The following PARN variants were observed in gnomAD, a reference collection of about 807,000 sequenced individuals.
PARN encodes the protein poly(A)-specific ribonuclease PARN.
A neutral mutation model predicts 102.8 loss-of-function variants in PARN; 71 were observed. That is an observed-to-expected ratio of 0.69 (90% CI 0.57 to 0.84). The LOEUF is 0.84. PARN is among the 40% of genes least tolerant of loss of function. The pLI, the probability that PARN is intolerant of heterozygous loss-of-function variation, is 0.00. For synonymous variants in PARN, 261 were observed against 252.9 expected (o/e 1.03, Z -0.30); for missense variants, 782 against 760.9 (o/e 1.03, Z -0.33).
intron 18 of PARN, among the ~76,000 whole-genome samples, chr16:14,562,945 C>G (rs746819162): frequency 2.0e-5 from 3 of 152,180 alleles, no homozygotes; most frequent in Non-Finnish European, 4.4e-5. Context: ...CTTATCTAAG[C>G]CATTCCCTAG....
At chr16:14,562,798 T>C (rs1014425054) in intron 18 of PARN, among the ~76,000 whole-genome samples, 2 of 151,978 alleles carry the variant, frequency 1.3e-5, no homozygotes, top group African/African-American at 2.4e-5. Context: ...ACACACACAA[T>C]ACAAAAGAAT....
chr16:14,580,227 C>T (rs1006579724), intron 18 of PARN, among the ~76,000 whole-genome samples: 4 of 152,040 alleles, frequency 2.6e-5, no homozygotes, highest in Non-Finnish European at 5.9e-5. Context: ...GCCTCAGTCT[C>T]CCAAAGTTGG....
intron 12 of PARN, among the ~76,000 whole-genome samples, chr16:14,596,788 C>CTT (rs200386556): frequency 1.5e-5 from 2 of 135,722 alleles, no homozygotes; most frequent in Non-Finnish European, 3.2e-5. Context: ...TTTTTCTTTC[C>CTT]TTTTTTTTTT....
chr16:14,576,474 G>A (rs77985941), intron 18 of PARN, among the ~76,000 whole-genome samples: 4 of 152,300 alleles, frequency 2.6e-5, no homozygotes, highest in South Asian at 4.1e-4. Context: ...TGACAATACC[G>A]AAGACAGTTA....
intron 12 of PARN, among the ~76,000 whole-genome samples, chr16:14,598,105 C>A (rs2151776171): frequency 6.6e-6 from 1 of 152,190 alleles, no homozygotes; most frequent in Admixed American, 6.5e-5. Context: ...GATTGCGCCA[C>A]TGCACTCCAG....
chr16:14,562,446 A>C (rs1351768548), intron 18 of PARN, among the ~76,000 whole-genome samples: 1 of 151,206 alleles, frequency 6.6e-6, no homozygotes, highest in Non-Finnish European at 1.5e-5. Context: ...AAAAAAAAAA[A>C]AAAAAACTAT....
chr16:14,625,625 A>T (rs1972599046), intron 5 of PARN, among the ~76,000 whole-genome samples: 1 of 152,260 alleles, frequency 6.6e-6, no homozygotes, highest in Non-Finnish European at 1.5e-5. Flanking sequence ...CTAATTTAGG[A>T]AACTGTCTAT....
At chr16:14,514,744 C>A (rs1206463840) in intron 21 of PARN, among the ~76,000 whole-genome samples, 1 of 152,122 alleles carries the variant, frequency 6.6e-6, no homozygotes, top group Non-Finnish European at 1.5e-5. Flanking sequence ...ATCTGTAATT[C>A]GGCCAGAAGG....
At chr16:14,483,914 G>A (rs1221479688) in intron 21 of PARN, among the ~76,000 whole-genome samples, 3 of 152,244 alleles carry the variant, frequency 2.0e-5, no homozygotes, top group Non-Finnish European at 4.4e-5. Flanking sequence ...CTTCAGTGAC[G>A]ATTTCTGAGT....
intron 22 of PARN, among the ~76,000 whole-genome samples, chr16:14,465,580 G>C (rs1962292144): frequency 6.6e-6 from 1 of 152,092 alleles, no homozygotes; most frequent in South Asian, 2.1e-4. Flanking sequence ...GACTATGATA[G>C]GTTAAAAGAA....
chr16:14,501,416 G>A, intron 21 of PARN: 1 of 39,008 alleles, frequency 2.6e-5, no homozygotes, highest in South Asian at 1.2e-3. Flanking sequence ...ACTCCAGCCT[G>A]GGACAAAGCA....
intron 5 of PARN, among the ~76,000 whole-genome samples, chr16:14,626,857 T>C (rs759150982): frequency 1.6e-4 from 25 of 152,004 alleles, no homozygotes; most frequent in South Asian, 4.1e-4. Flanking sequence ...GACCTCATGA[T>C]CCGCCCTCCC....
intron 21 of PARN, among the ~76,000 whole-genome samples, chr16:14,518,291 C>CAAAAAAAA (rs34169116): frequency 1.1e-4 from 6 of 52,266 alleles, no homozygotes; most frequent in East Asian, 6.3e-4. Flanking sequence ...GACCCTGTCT[C>CAAAAAAAA]AAAAAAAAAA....
intron 21 of PARN, among the ~76,000 whole-genome samples, chr16:14,507,772 A>C (rs1035078165): frequency 6.6e-6 from 1 of 152,214 alleles, no homozygotes. Context: ...AAGAGGTTTG[A>C]GAGTAATAAA....
chr16:14,555,627 G>A (rs759995491), intron 19 of PARN, 27 bp downstream of exon 19: 4 of 1,095,496 alleles, frequency 3.7e-6, no homozygotes, highest in African/African-American at 1.6e-5. Context: ...ATGCACAGAT[G>A]CAATAAGAAA....
At chr16:14,473,576 T>G (rs1051361414) in intron 22 of PARN, among the ~76,000 whole-genome samples, 1 of 152,104 alleles carries the variant, frequency 6.6e-6, no homozygotes, top group Admixed American at 6.6e-5. Flanking sequence ...AACAGGAAAT[T>G]TCCCCAGAAA....
chr16:14,516,793 C>T lies in PARN; in HGVS notation c.1481-33966G>A, dbSNP rs1965482371. Among the ~76,000 whole-genome samples, 3 of 152,158 alleles carry T rather than the reference C, an allele frequency of 2.0e-5. 1 individual carries two copies. Among genetic ancestry groups the T allele is most frequent in the South Asian group, 4.1e-4 (2 of 4,836 alleles). On this transcript the variant is annotated intron_variant, in intron 21 of 23. Transcript: ENST00000437198. ...AGAGTGAGAATTAAATGTACACTTA[C>T]CTGTAAAACAGAGACTAAATGATGG...
chr16:14,603,553 C>T (rs990046744), intron 11 of PARN, among the ~76,000 whole-genome samples: 2 of 152,164 alleles, frequency 1.3e-5, no homozygotes, highest in African/African-American at 4.8e-5. Context: ...TCCTCCTCCA[C>T]CACCCACATT....
intron 6 of PARN, among the ~76,000 whole-genome samples, chr16:14,612,181 A>C (rs559211341): frequency 6.6e-6 from 1 of 152,224 alleles, no homozygotes; most frequent in Admixed American, 6.5e-5. Context: ...GCTCACGCCT[A>C]TAATCCAACC....
Sources: gnomAD v4.1 joint callset for allele counts (sites outside exome capture counted in the v4.1 genomes callset) on GRCh38, gnomAD v4.1.1 for gene constraint, MANE v1.5 for transcripts, NCBI Gene and HGNC (gene_info 2026-07-23, HGNC 2026-07-21) for gene names.